The following PVT1 variants were observed in gnomAD, a reference collection of about 807,000 sequenced individuals.
PVT1 encodes Pvt1 oncogene.
chr8:127,845,414 C>T (rs1240899928), intron 2 of PVT1, among the ~76,000 whole-genome samples: 1 of 152,100 alleles, frequency 6.6e-6, no homozygotes, highest in Non-Finnish European at 1.5e-5. Context: ...GAATGGCTCT[C>T]TGGTGGACTG....
In PVT1 at chr8:128,079,241, G is replaced by T. The variant is rs536443510; in HGVS notation, n.1114+8880G>T. Among the ~76,000 whole-genome samples, 3 of 152,246 alleles carry T rather than the reference G, an allele frequency of 2.0e-5. No individual in the cohort carries two copies. The South Asian group carries it at 6.2e-4, about 32-fold the overall frequency. ...CCTGTATCTCAAGAGGATCTCATCA[G>T]TGGAATCATTAGATCAAAGGATATG... On this transcript the variant is annotated intron_variant and non_coding_transcript_variant, in intron 5 of 10. Coordinates refer to ENST00000651587, the Ensembl canonical transcript of PVT1.
chr8:128,047,549 C>A (rs1272539133), intron 4 of PVT1, among the ~76,000 whole-genome samples: 1 of 152,212 alleles, frequency 6.6e-6, no homozygotes, highest in African/African-American at 2.4e-5. Flanking sequence ...CTTGCTACTG[C>A]TGCAGTGAAG....
chr8:128,008,984 G>A, intron 4 of PVT1: 2 of 511,204 alleles, frequency 3.9e-6, no homozygotes, highest in Non-Finnish European at 8.2e-6. Flanking sequence ...CACAATTGCA[G>A]CCACCTATTC....
chr8:127,997,647 G>A (rs534883324), intron 4 of PVT1, among the ~76,000 whole-genome samples: 4 of 152,300 alleles, frequency 2.6e-5, no homozygotes, highest in Admixed American at 2.6e-4. Flanking sequence ...ATTTACAGGA[G>A]AATTGTGAAA....
chr8:127,867,927 T>C (rs550046154), intron 2 of PVT1, among the ~76,000 whole-genome samples: 1 of 152,302 alleles, frequency 6.6e-6, no homozygotes, highest in South Asian at 2.1e-4. Flanking sequence ...TCAACTATTA[T>C]CAAAGGAAAA....
At chr8:127,977,234 G>A (rs550335183) in intron 3 of PVT1, among the ~76,000 whole-genome samples, 1 of 152,222 alleles carries the variant, frequency 6.6e-6, no homozygotes, top group East Asian at 1.9e-4. Flanking sequence ...ATGTGCAGTA[G>A]GTCTGGTGGG....
chr8:127,932,611 C>T (rs1261895261), intron 3 of PVT1: 8 of 398,350 alleles, frequency 2.0e-5, no homozygotes, highest in Non-Finnish European at 3.5e-5. Context: ...ATTCGCTGTT[C>T]GTAGACATGG....
chr8:127,848,709 A>G (rs539361337), intron 2 of PVT1, among the ~76,000 whole-genome samples: 77 of 152,234 alleles, frequency 5.1e-4, no homozygotes, highest in Non-Finnish European at 1.0e-3. Flanking sequence ...AAACAAACAA[A>G]AAAGGCCAAC....
At chr8:127,916,611 A>G (rs950374792) in intron 3 of PVT1, among the ~76,000 whole-genome samples, 1 of 152,140 alleles carries the variant, frequency 6.6e-6, no homozygotes, top group Non-Finnish European at 1.5e-5. Context: ...TTTTGGCTGC[A>G]TTTTCTCTCA....
chr8:127,843,784 T>A (rs1586403278), intron 2 of PVT1, among the ~76,000 whole-genome samples: 1 of 151,976 alleles, frequency 6.6e-6, no homozygotes, highest in East Asian at 1.9e-4. Context: ...GAATCCCTTG[T>A]CTTCCTGGGC....
chr8:127,929,366 T>C (rs1237776694), intron 3 of PVT1, among the ~76,000 whole-genome samples: 2 of 152,086 alleles, frequency 1.3e-5, no homozygotes, highest in Non-Finnish European at 2.9e-5. Flanking sequence ...TTAAAAATGA[T>C]TGGGTGTGGG....
At chr8:127,862,710 G>A (rs1192686169) in intron 2 of PVT1, among the ~76,000 whole-genome samples, 3 of 152,204 alleles carry the variant, frequency 2.0e-5, no homozygotes, top group East Asian at 3.8e-4. Context: ...ATAGCCTGCA[G>A]CAAACTCTTA....
chr8:127,923,524 G>A (rs1816090525), intron 3 of PVT1, among the ~76,000 whole-genome samples: 1 of 152,194 alleles, frequency 6.6e-6, no homozygotes. Flanking sequence ...TCACTGCCTT[G>A]GTTTGGGTCC....
intron 5 of PVT1, among the ~76,000 whole-genome samples, chr8:128,088,511 C>T (rs1248316190): frequency 6.6e-6 from 1 of 152,156 alleles, no homozygotes; most frequent in East Asian, 1.9e-4. Context: ...GAGCGAGGTT[C>T]CCCATTTGCA....
At chr8:127,892,337 G>A (rs1418510645) in intron 3 of PVT1, among the ~76,000 whole-genome samples, 1 of 152,194 alleles carries the variant, frequency 6.6e-6, no homozygotes, top group Non-Finnish European at 1.5e-5. Flanking sequence ...AAATGCATTT[G>A]CCTTGCACAC....
At chr8:127,837,988 C>T (rs1297295269) in intron 2 of PVT1, among the ~76,000 whole-genome samples, 1 of 151,726 alleles carries the variant, frequency 6.6e-6, no homozygotes, top group Non-Finnish European at 1.5e-5. Context: ...ACCTCCACCT[C>T]CTGGGTTCAA....
At position 127,984,804 on chromosome 8, in the gene PVT1, C is replaced by T. The variant is rs139052637; in HGVS notation, n.783-4358C>T. Among the ~76,000 whole-genome samples the T allele has an allele frequency of 3.0e-3, 449 of 151,626 alleles. 2 individuals are homozygous for T. Among genetic ancestry groups the T allele is most frequent in the Non-Finnish European group, 4.8e-3 (324 of 67,902 alleles). ...GTATTTTTAGTGGAGACAGGGGTCTCGCCATGTTGGCCAGGCTGGTTTCTT... is the reference window on the plus strand; with the variant it reads ...GTATTTTTAGTGGAGACAGGGGTCTTGCCATGTTGGCCAGGCTGGTTTCTT... On this transcript the variant is annotated intron_variant and non_coding_transcript_variant, in intron 3 of 10. Coordinates refer to ENST00000651587, the Ensembl canonical transcript of PVT1.
At chr8:127,816,868 C>T (rs980009729) in intron 2 of PVT1, among the ~76,000 whole-genome samples, 3 of 152,294 alleles carry the variant, frequency 2.0e-5, no homozygotes, top group South Asian at 2.1e-4. Context: ...CTTCCTTTGC[C>T]GCTCTGCATC....
intron 2 of PVT1, among the ~76,000 whole-genome samples, chr8:127,889,898 T>C (rs944313293): frequency 6.6e-6 from 1 of 152,196 alleles, no homozygotes; most frequent in Non-Finnish European, 1.5e-5. Context: ...ATGGGGAATA[T>C]TGAGCCTCCA....
Sources: gnomAD v4.1 joint callset for allele counts (sites outside exome capture counted in the v4.1 genomes callset) on GRCh38, gnomAD v4.1.1 for gene constraint, MANE v1.5 for transcripts, NCBI Gene and HGNC (gene_info 2026-07-23, HGNC 2026-07-21) for gene names.